LRP2: variants seen among roughly 807,000 people sequenced by gnomAD.
LRP2 encodes the protein low-density lipoprotein receptor-related protein 2.
In LRP2, 172 loss-of-function variants were observed where a neutral mutation model predicts 531.0. The observed-to-expected ratio is 0.32, with a 90% CI of 0.29 to 0.37. The LOEUF is 0.37. Ranked by LOEUF, LRP2 falls within the 10% of genes least tolerant of loss-of-function variation. The pLI, the probability that LRP2 is intolerant of heterozygous loss-of-function variation, is 1.00. For synonymous variants in LRP2, 1,992 were observed against 2,027.6 expected (o/e 0.98, Z 0.47); for missense variants, 5,167 against 5,868.3 (o/e 0.88, Z 3.90).
At position 169,209,879 on chromosome 2, in the gene LRP2, A is replaced by T. The variant is rs564162592; in HGVS notation, c.6281-238T>A. 2.6e-5 allele frequency among the ~76,000 whole-genome samples: 4 copies of T among 152,264 alleles called. No homozygotes were observed. In the South Asian group the frequency reaches 8.3e-4, roughly 32 times the overall value. On this transcript the variant is annotated intron_variant, in intron 37 of 78. Coordinates refer to ENST00000649046, the MANE Select transcript of LRP2 (RefSeq NM_004525.3). ...TGTTGATTATAGGTTTAGGCAGGGA[A>T]GGTACGAAGTGAGTGTGAAACATCT...
chr2:169,290,403 C>T (rs3770613), intron 8 of LRP2, among the ~76,000 whole-genome samples: 72,594 of 150,266 alleles, frequency 0.48, 18,332 homozygotes, highest in Middle Eastern at 0.67. Context: ...CCTGTGTGTG[C>T]GTTAGGGATT....
chr2:169,206,018 C>T lies in LRP2; in HGVS notation c.7556+5G>A, dbSNP rs779698709. 2 of 1,614,170 alleles carry T rather than the reference C, an allele frequency of 1.2e-6. No individual in the cohort carries two copies. Among genetic ancestry groups the T allele is most frequent in the Non-Finnish European group, 1.7e-6 (2 of 1,180,018 alleles). The stretch of plus-strand genomic sequence containing the variant: ...AGAAATATAACAAGGAAGATGATGG[C>T]ATACCCTTGGCAGGGATCTAACACA... On this transcript the variant is annotated splice_donor_5th_base_variant and intron_variant, in intron 40 of 78. Transcript: ENST00000649046.
intron 4 of LRP2, among the ~76,000 whole-genome samples, chr2:169,301,879 C>T (rs1684293992): frequency 6.6e-6 from 1 of 152,120 alleles, no homozygotes; most frequent in Admixed American, 6.6e-5. Flanking sequence ...TCTGGAATGA[C>T]AGGCAGGGCT....
chr2:169,333,768 T>C (rs1259390253), intron 1 of LRP2, among the ~76,000 whole-genome samples: 1 of 152,148 alleles, frequency 6.6e-6, no homozygotes, highest in Non-Finnish European at 1.5e-5. Flanking sequence ...TTTAACAGAC[T>C]GAGCAAAAAG....
At chr2:169,314,434 A>AT (rs1240425593) in intron 3 of LRP2, among the ~76,000 whole-genome samples, 3 of 151,162 alleles carry the variant, frequency 2.0e-5, no homozygotes, top group African/African-American at 7.4e-5. Flanking sequence ...TAAAAAAAAA[A>AT]AAATATGTAA....
rs1258653047 is a variant in LRP2, at chr2:169,204,234, G to A, written c.7753C>T (p.Arg2585Cys). The A allele has an allele frequency of 1.2e-6, 2 of 1,613,728 alleles. No individual in the cohort carries two copies. The highest frequency in any genetic ancestry group is 1.7e-6 in the Non-Finnish European group (2 of 1,180,024). Residue 2585 changes from arginine (R) to cysteine (C), a missense_variant, in exon 42 of 79, where the codon CGT (arginine) becomes TGT (cysteine). This residue lies in a region of LRP2 where 1,129 missense variants were observed against 1,362.7 expected (regional missense o/e 0.83). Transcript: ENST00000649046. ...ACGGCTGCATTGACAATGACTTCAC[G>A]ATCCACGCCCGTCAGAGTGCTGCGT... The part of the protein sequence containing the change: ...IERSTLTGVD[R>C]EVIVNAAVHA...
chr2:169,348,941 G>A (rs1232248009), intron 1 of LRP2, among the ~76,000 whole-genome samples: 1 of 152,128 alleles, frequency 6.6e-6, no homozygotes, highest in African/African-American at 2.4e-5. Flanking sequence ...GGGCCTCGAG[G>A]AATTAAGGGC....
intron 48 of LRP2, among the ~76,000 whole-genome samples, chr2:169,191,377 A>G (rs113331883): frequency 2.0e-4 from 31 of 152,256 alleles, no homozygotes; most frequent in African/African-American, 5.8e-4. Flanking sequence ...CCAAGTGGAA[A>G]ACTAAGCGGG....
rs1436787395 is a variant in LRP2 at position 169,239,196 on chromosome 2, T to G, written c.4294+331A>C. On this transcript the variant is annotated intron_variant, in intron 26 of 78. Transcript: ENST00000649046. The stretch of plus-strand genomic sequence containing the variant: ...TAGCAGAAATTGAATTAATACTGGT[T>G]GAATTCAATTAAGCATTATATAAAG... 2.0e-5 allele frequency among the ~76,000 whole-genome samples: 3 copies of G among 152,204 alleles called. No individual in the cohort carries two copies. The East Asian group carries it at 5.8e-4, about 29-fold the overall frequency.
chr2:169,343,888 G>T (rs1001859618), intron 1 of LRP2, among the ~76,000 whole-genome samples: 3 of 152,156 alleles, frequency 2.0e-5, no homozygotes, highest in African/African-American at 7.2e-5. Flanking sequence ...TACCTTAAAG[G>T]AAGCCATAGA....
At chr2:169,340,810 GCATGC>G (rs1234212653) in intron 1 of LRP2, among the ~76,000 whole-genome samples, 1 of 152,168 alleles carries the variant, frequency 6.6e-6, no homozygotes, top group African/African-American at 2.4e-5. Context: ...CCAGAGTAGA[GCATGC>G]CTATTACCTC....
chr2:169,177,962 C>A lies in LRP2; in HGVS notation c.10234G>T (p.Ala3412Ser). ...ATAGTGTCTTCAAAAATGGTAATAG[C>A]GAAAGGGTGAGGCAGTGCCCCATCA... ...VYDGALPHPF[A>S]ITIFEDTIYW... The change falls in exon 53 of 79, where the codon GCT becomes TCT. Residue 3412 changes from alanine to serine, a missense_variant. Ala to Ser is a moderately conservative substitution (Grantham distance 99, BLOSUM62 1). Around this residue, in one of 6 missense-constraint regions of LRP2, gnomAD observed 1,129 missense variants for 1,362.7 expected, o/e 0.83. Transcript: ENST00000649046. The A allele has an allele frequency of 6.2e-7, 1 of 1,614,124 alleles. No homozygotes were observed. The highest frequency in any genetic ancestry group is 8.5e-7 in the Non-Finnish European group (1 of 1,180,032).
At position 169,247,388 on chromosome 2, in the gene LRP2, G is replaced by A; in HGVS notation, c.2898C>T (p.Asn966=). 6.2e-7 allele frequency: 1 copy of A among 1,614,120 alleles called. No individual in the cohort carries two copies. Among genetic ancestry groups the A allele is most frequent in the South Asian group, 1.1e-5 (1 of 91,078 alleles). ...GGCAATCTCACTCACCAGTCTGGAT[G>A]TTGACATCATACGATTTCAAATGCA... The part of the protein sequence containing the change: ...YILHLKSYDV[N]IQTGSNACNQ... Residue 966 remains asparagine, a synonymous_variant, in exon 20 of 79, where the codon AAC becomes AAT. Transcript: ENST00000649046.
In LRP2 at chr2:169,212,130, A is replaced by G. The variant is rs773961707; in HGVS notation, c.6118T>C (p.Leu2040=). ...CCAGTGGCACAGGCGCAGGAAAACA[A>G]TCCTCCTGGTACAGGCAGGCAAATC... is the stretch of plus-strand genomic sequence containing the variant. ...QQICLPVPGG[L]FSCACATGFK... The change falls in exon 37 of 79, where the codon TTG becomes CTG. Residue 2040 remains leucine (L), a synonymous_variant. Coordinates refer to ENST00000649046, the MANE Select transcript of LRP2 (RefSeq NM_004525.3). 3 of 1,614,054 alleles carry G rather than the reference A, an allele frequency of 1.9e-6. No homozygotes were observed. Among genetic ancestry groups the G allele is most frequent in the Non-Finnish European group, 2.5e-6 (3 of 1,179,930 alleles).
At chr2:169,278,222 T>C (rs1433125478) in intron 12 of LRP2, among the ~76,000 whole-genome samples, 1 of 152,140 alleles carries the variant, frequency 6.6e-6, no homozygotes, top group Non-Finnish European at 1.5e-5. Flanking sequence ...CAGTGGTTCA[T>C]GCCTGTGGTC....
chr2:169,201,033 C>G (rs1688186962), intron 44 of LRP2, among the ~76,000 whole-genome samples: 1 of 152,148 alleles, frequency 6.6e-6, no homozygotes, highest in Non-Finnish European at 1.5e-5. Flanking sequence ...GATCAAAACT[C>G]TAGGTCTACA....
intron 1 of LRP2, among the ~76,000 whole-genome samples, chr2:169,324,765 GC>G (rs1410213181): frequency 3.9e-5 from 6 of 152,094 alleles, no homozygotes; most frequent in African/African-American, 1.4e-4. Flanking sequence ...GGAGTCATTT[GC>G]CTGTTTGTTT....
intron 30 of LRP2, among the ~76,000 whole-genome samples, chr2:169,232,493 G>T (rs539192950): frequency 2.0e-5 from 3 of 152,152 alleles, no homozygotes; most frequent in African/African-American, 4.8e-5. Context: ...AAGCACTGGG[G>T]ACGCTATAAA....
chr2:169,244,456 C>T (rs1456376472), intron 22 of LRP2, among the ~76,000 whole-genome samples: 1 of 152,198 alleles, frequency 6.6e-6, no homozygotes, highest in African/African-American at 2.4e-5. Context: ...GCATCAGAGG[C>T]AGTCCTTGCT....
Sources: gnomAD v4.1 joint callset for allele counts (sites outside exome capture counted in the v4.1 genomes callset) on GRCh38, gnomAD v4.1.1 for gene constraint, gnomAD v4.1.1 regional missense constraint, MANE v1.5 for transcripts, NCBI Gene and HGNC (gene_info 2026-07-23, HGNC 2026-07-21) for gene names.